The following SEC14L5 variants were observed in gnomAD, a reference collection of about 807,000 sequenced individuals.
The protein encoded by SEC14L5 is SEC14-like protein 5.
Under a neutral mutation model 84.6 loss-of-function variants are expected in SEC14L5, and 96 were observed. The observed-to-expected ratio is 1.13, with a 90% CI of 0.96 to 1.34. The LOEUF (loss-of-function observed/expected upper bound fraction) is 1.34. Among genes scored for constraint, SEC14L5 ranks in the 40% most tolerant of loss-of-function variants. SEC14L5 has a pLI of 0.00. For missense variants in SEC14L5, 1,224 were observed against 942.5 expected (o/e 1.30, Z -3.91); for synonymous variants, 546 against 383.4 (o/e 1.42, Z -4.95).
chr16:5,000,729 G>A lies in SEC14L5; in HGVS notation c.1045G>A (p.Ala349Thr). 1 of 1,552,534 alleles carries A rather than the reference G, an allele frequency of 6.4e-7. No individual in the cohort carries two copies. Among genetic ancestry groups the A allele is most frequent in the East Asian group, 2.4e-5 (1 of 40,994 alleles). Residue 349 changes from alanine (A) to threonine (T), a missense_variant, in exon 9 of 16, where the codon GCG becomes ACG. Ala to Thr is a moderately conservative substitution (Grantham distance 58). Coordinates refer to ENST00000251170, the MANE Select transcript of SEC14L5 (RefSeq NM_014692.2). ...CTTGATGAAGGCCGTGGGGGAGGAG[G>A]CGCTGCTGCGGCATGTGAGTCAGGG... ...KGLMKAVGEE[A>T]LLRHVLSVNE...
intron 10 of SEC14L5, among the ~76,000 whole-genome samples, 167 bp downstream of exon 10, chr16:5,001,092 C>T (rs898675071): frequency 2.6e-5 from 4 of 152,204 alleles, no homozygotes; most frequent in East Asian, 3.9e-4. Context: ...TAAGCATCCC[C>T]GTTTTCTATG....
intron 2 of SEC14L5, among the ~76,000 whole-genome samples, chr16:4,968,615 T>C (rs1368712623): frequency 6.6e-6 from 1 of 152,248 alleles, no homozygotes; most frequent in Non-Finnish European, 1.5e-5. Flanking sequence ...TGAGCCACTG[T>C]ACCTGGCCTT....
chr16:5,008,377 A>G, intron 13 of SEC14L5, 44 bp from the exon 14 acceptor site: 1 of 1,425,694 alleles, frequency 7.0e-7, no homozygotes, highest in Non-Finnish European at 9.7e-7. Flanking sequence ...CCCCAGCTCT[A>G]CTCTCTCGGC....
intron 6 of SEC14L5, among the ~76,000 whole-genome samples, chr16:4,994,530 GACAGGGTTTC>G (rs1955588011): frequency 6.6e-6 from 1 of 152,030 alleles, no homozygotes; most frequent in African/African-American, 2.4e-5. Context: ...TTTTAGTAGA[GACAGGGTTTC>G]ACCATGTTGG....
chr16:5,007,864 C>G (rs1955750688), intron 13 of SEC14L5, among the ~76,000 whole-genome samples: 1 of 150,966 alleles, frequency 6.6e-6, no homozygotes, highest in South Asian at 2.1e-4. Context: ...CCTAGGCCTC[C>G]CAAAGTTCTG....
intron 12 of SEC14L5, among the ~76,000 whole-genome samples, chr16:5,007,148 C>A (rs1320188065): frequency 6.6e-6 from 1 of 152,182 alleles, no homozygotes. Flanking sequence ...AGCCTCCATT[C>A]CTTCCTCTGT....
chr16:4,964,310 C>T (rs35637419), intron 2 of SEC14L5, among the ~76,000 whole-genome samples: 77 of 151,750 alleles, frequency 5.1e-4, no homozygotes, highest in Non-Finnish European at 7.5e-4. Flanking sequence ...GAACCAGGGC[C>T]GGGCATGGTG....
In SEC14L5 at chr16:5,000,847, C is replaced by T. The variant is rs745409243; in HGVS notation, c.1060-8C>T. 3.7e-6 allele frequency: 6 copies of T among 1,600,164 alleles called. No individual in the cohort carries two copies. Among genetic ancestry groups the T allele is most frequent in the Admixed American group, 1.7e-5 (1 of 57,566 alleles). On this transcript the variant is annotated splice_region_variant and splice_polypyrimidine_tract_variant and intron_variant, in intron 9 of 15. Coordinates refer to ENST00000251170, the MANE Select transcript of SEC14L5 (RefSeq NM_014692.2). ...CGGACGTTGAGCAGCACTGTCTCTC[C>T]CTTCCAGGTTCTCTCCGTCAACGAG...
chr16:5,007,074 G>A (rs1204325793), intron 12 of SEC14L5, among the ~76,000 whole-genome samples: 1 of 152,176 alleles, frequency 6.6e-6, no homozygotes, highest in Non-Finnish European at 1.5e-5. Flanking sequence ...GACGAACGTG[G>A]GTTTGTGCCC....
chr16:5,018,366 T>G lies in SEC14L5; in HGVS notation c.*3396T>G, dbSNP rs943819493. On this transcript the variant is annotated 3_prime_UTR_variant, in exon 16 of 16. Transcript: ENST00000251170. ...TGAGTTGGGTGTGCAGTCTTTCTCT[T>G]TTAGAAACTGCTTGTGTGGGCGGGG... 5 of 152,242 alleles carry G rather than the reference T, an allele frequency of 3.3e-5. No individual in the cohort carries two copies. The highest frequency in any genetic ancestry group is 7.3e-5 in the Non-Finnish European group (5 of 68,048). The allele number at this position is 152,242 out of a possible 1,614,324, so 9.4% of individuals were successfully genotyped here. A position where few individuals can be genotyped will look rare whatever the true frequency, so the allele number is the denominator to read the frequency against.
intron 6 of SEC14L5, among the ~76,000 whole-genome samples, chr16:4,992,285 A>G (rs536572134): frequency 1.1e-3 from 162 of 151,878 alleles, no homozygotes; most frequent in African/African-American, 3.6e-3. Flanking sequence ...GAGTCCCCCT[A>G]TGTCTCCCAG....
intron 14 of SEC14L5, among the ~76,000 whole-genome samples, chr16:5,009,736 A>G (rs139468728): frequency 3.9e-5 from 6 of 152,246 alleles, no homozygotes; most frequent in African/African-American, 1.4e-4. Context: ...CATTAACTCA[A>G]GCAGGGGGAA....
chr16:4,984,023 A>G (rs145594373), intron 2 of SEC14L5, among the ~76,000 whole-genome samples: 118 of 152,334 alleles, frequency 7.7e-4, no homozygotes, highest in African/African-American at 2.8e-3. Flanking sequence ...ATTGAGATAC[A>G]ATTCACATAT....
chr16:4,993,966 CTT>C (rs374711543), intron 6 of SEC14L5, among the ~76,000 whole-genome samples: 5 of 138,540 alleles, frequency 3.6e-5, no homozygotes, highest in East Asian at 2.1e-4. Context: ...GACTGTTTTC[CTT>C]TTTTTTTTTT....
chr16:4,969,469 C>T (rs898456304), intron 2 of SEC14L5, among the ~76,000 whole-genome samples: 2 of 151,942 alleles, frequency 1.3e-5, no homozygotes. Flanking sequence ...TGGCAACCTC[C>T]GCCTCCCAGG....
rs939988155 is a variant in SEC14L5 at position 4,967,532 on chromosome 16, C to T, written c.63+8146C>T. Among the ~76,000 whole-genome samples, 26 of 147,864 alleles carry T rather than the reference C, an allele frequency of 1.8e-4. 1 individual carries two copies. In the South Asian group the frequency reaches 5.1e-3, roughly 29 times the overall value. On this transcript the variant is annotated intron_variant, in intron 2 of 15. Transcript: ENST00000251170. ...AGCCAGAGCTCACAGCCAGACTTTC[C>T]GGATTCTGGCTCTGACTTTTCTTTC...
chr16:4,980,285 G>A (rs966890089), intron 2 of SEC14L5, among the ~76,000 whole-genome samples: 1 of 152,206 alleles, frequency 6.6e-6, no homozygotes, highest in Non-Finnish European at 1.5e-5. Flanking sequence ...CGGAGCCTCA[G>A]CTCGAATGTC....
intron 2 of SEC14L5, among the ~76,000 whole-genome samples, chr16:4,962,491 G>C (rs4786568): frequency 0.58 from 88,619 of 151,878 alleles, 27,022 homozygotes; most frequent in East Asian, 0.79. Context: ...AGTTCGAGAC[G>C]AGCTTGGCCA....
chr16:4,964,614 C>T (rs1468902556), intron 2 of SEC14L5, among the ~76,000 whole-genome samples: 1 of 152,056 alleles, frequency 6.6e-6, no homozygotes, highest in African/African-American at 2.4e-5. Flanking sequence ...CACAGGCTCT[C>T]TCTCTGCTCG....
Sources: gnomAD v4.1 joint callset for allele counts (sites outside exome capture counted in the v4.1 genomes callset) on GRCh38, gnomAD v4.1.1 for gene constraint, MANE v1.5 for transcripts, NCBI Gene and HGNC (gene_info 2026-07-23, HGNC 2026-07-21) for gene names.